The following CNTNAP3B variants were observed in gnomAD, a reference collection of about 807,000 sequenced individuals.
CNTNAP3B encodes contactin-associated protein-like 3B.
CNTNAP3B carries 25 observed loss-of-function variants against 108.9 expected under a neutral mutation model. The ratio of observed to expected loss-of-function variants is 0.23; its 90% CI spans 0.17 to 0.32. The LOEUF is 0.32. Ranked by LOEUF, CNTNAP3B falls within the 10% of genes least tolerant of loss-of-function variation. CNTNAP3B has a pLI of 1.00. For missense variants in CNTNAP3B, 252 were observed against 1,210.4 expected (o/e 0.21, Z 11.75); for synonymous variants, 103 against 473.4 (o/e 0.22, Z 10.16).
Position 42,045,609 on chromosome 9 carries a change from T to G in CNTNAP3B, c.390+31260A>C, listed in dbSNP as rs879472863. 9.1e-3 allele frequency among the ~76,000 whole-genome samples: 1,302 copies of G among 143,310 alleles called. 5 individuals are homozygous for G. Among genetic ancestry groups the G allele is most frequent in the African/African-American group, 0.034 (1,229 of 36,252 alleles). 94.0% of individuals were successfully genotyped at this position (143,310 alleles called of 152,430 possible). A position where few individuals can be genotyped will look rare whatever the true frequency, so the allele number is the denominator to read the frequency against. The stretch of plus-strand genomic sequence containing the variant: ...TGTTAAAGAAATATTGGCCCTCCTA[T>G]GTTCACTGCAGCATTATCCACAATA... On this transcript the variant is annotated intron_variant, in intron 3 of 23. Transcript: ENST00000377561.
chr9:41,969,043 G>C (rs1284560396), intron 10 of CNTNAP3B, among the ~76,000 whole-genome samples: 1 of 152,284 alleles, frequency 6.6e-6, no homozygotes, highest in Non-Finnish European at 1.5e-5. Flanking sequence ...TGATCCGCCC[G>C]CCTTGGCCTC....
chr9:41,933,469 G>T (rs1824043057), intron 14 of CNTNAP3B, among the ~76,000 whole-genome samples: 6 of 150,604 alleles, frequency 4.0e-5, no homozygotes, highest in African/African-American at 7.4e-5. Context: ...TCTTGAATAA[G>T]TTTTGTAATT....
In CNTNAP3B at chr9:41,986,212, A is replaced by G. The variant is rs780268082; in HGVS notation, c.1433T>C (p.Leu478Pro). The G allele has an allele frequency of 1.3e-5, 14 of 1,106,326 alleles. 4 individuals carry two copies. In the South Asian group the frequency reaches 1.7e-4, roughly 14 times the overall value. The allele number at this position is 1,106,326 out of a possible 1,614,324, so 68.5% of individuals were successfully genotyped here. Residue 478 changes from leucine (L) to proline (P), a missense_variant, in exon 9 of 24, where the codon CTG becomes CCG. Coordinates refer to ENST00000377561, the MANE Select transcript of CNTNAP3B (RefSeq NM_001201380.3). Reference protein sequence around the residue: ...VVDDDTAVQPLVAVLIDSGDT... With the variant: ...VVDDDTAVQPPVAVLIDSGDT... ...ACCTGAATCAATGAGCACAGCCACC[A>G]GGGGCTGAACAGCTGTGTCATCATC...
At chr9:41,944,428 T>C (rs1238015492) in intron 13 of CNTNAP3B, among the ~76,000 whole-genome samples, 3 of 152,074 alleles carry the variant, frequency 2.0e-5, no homozygotes, top group East Asian at 1.9e-4. Flanking sequence ...GGAAATGCTG[T>C]GTTATAAAGT....
chr9:41,936,019 G>A (rs1362391181), intron 14 of CNTNAP3B, among the ~76,000 whole-genome samples: 8 of 152,322 alleles, frequency 5.3e-5, no homozygotes, highest in East Asian at 3.9e-4. Context: ...CTAAGCATAC[G>A]TGAAGTCTAC....
intron 3 of CNTNAP3B, among the ~76,000 whole-genome samples, chr9:42,015,324 C>T (rs1337546281): frequency 7.8e-5 from 1 of 12,818 alleles, no homozygotes; most frequent in Non-Finnish European, 1.6e-4. Context: ...AGCCACCATG[C>T]CCAGCCAGAG....
chr9:41,944,571 G>A (rs1195560895), intron 13 of CNTNAP3B, among the ~76,000 whole-genome samples: 3 of 152,318 alleles, frequency 2.0e-5, no homozygotes, highest in South Asian at 4.1e-4. Context: ...GTGAGGATAT[G>A]GAATCATATA....
intron 10 of CNTNAP3B, among the ~76,000 whole-genome samples, chr9:41,969,169 G>A (rs1423144579): frequency 2.0e-5 from 3 of 152,036 alleles, no homozygotes; most frequent in Non-Finnish European, 2.9e-5. Flanking sequence ...ATGTACTGGG[G>A]CAAATTGTAT....
In CNTNAP3B at chr9:42,078,759, C is replaced by T. The variant is rs1470948538; in HGVS notation, c.197-1697G>A. ...GCAAGATTTATTCTTGGATGATTTACAGCAATATTTATGTGAGCCCCTGCC... is the reference window on the plus strand; with the variant it reads ...GCAAGATTTATTCTTGGATGATTTATAGCAATATTTATGTGAGCCCCTGCC... On this transcript the variant is annotated intron_variant, in intron 2 of 23. Coordinates refer to ENST00000377561, the MANE Select transcript of CNTNAP3B (RefSeq NM_001201380.3). Among the ~76,000 whole-genome samples the T allele has an allele frequency of 2.1e-5, 3 of 145,986 alleles. No individual in the cohort carries two copies. The East Asian group carries it at 6.1e-4, about 30-fold the overall frequency.
intron 18 of CNTNAP3B, among the ~76,000 whole-genome samples, chr9:41,918,976 G>T (rs975417438): frequency 1.3e-5 from 2 of 151,972 alleles, no homozygotes; most frequent in Non-Finnish European, 2.9e-5. Flanking sequence ...CTGTTTTGCT[G>T]CTAAAAATAG....
chr9:42,095,970 C>A (rs1397356923), intron 2 of CNTNAP3B, among the ~76,000 whole-genome samples: 1 of 138,456 alleles, frequency 7.2e-6, no homozygotes, highest in Non-Finnish European at 1.5e-5. Context: ...ACAGTGCTCT[C>A]CACAACGTTT....
intron 15 of CNTNAP3B, among the ~76,000 whole-genome samples, chr9:41,927,483 G>C (rs1400345152): frequency 1.3e-5 from 2 of 151,430 alleles, no homozygotes; most frequent in Non-Finnish European, 2.9e-5. Flanking sequence ...GGGAAGGAAG[G>C]AAGGAAGGAG....
chr9:41,929,212 G>A (rs1412493233), intron 15 of CNTNAP3B, 105 bp downstream of exon 15: 2 of 1,431,192 alleles, frequency 1.4e-6, no homozygotes, highest in Admixed American at 5.1e-5. Flanking sequence ...CCCAGTCCTA[G>A]TACTGCCACT....
At chr9:41,941,155 G>C (rs1420300083) in intron 13 of CNTNAP3B, among the ~76,000 whole-genome samples, 42 of 151,080 alleles carry the variant, frequency 2.8e-4, no homozygotes, top group Admixed American at 1.1e-3. Context: ...TATTTAAGTT[G>C]ACTGTGGTAA....
intron 13 of CNTNAP3B, among the ~76,000 whole-genome samples, chr9:41,939,046 T>C (rs1487558557): frequency 1.3e-5 from 2 of 152,284 alleles, no homozygotes; most frequent in African/African-American, 4.8e-5. Context: ...TGCGCCTCCT[T>C]CTCAGCACTG....
rs1169259930 is a variant in CNTNAP3B, at chr9:42,115,808, TCTC to T, written c.86-11072_86-11070del. ...AAATTCTAAAAATCAGAGCACCTCT[TCTC>T]CTCCAAAGGAACACAACGCCTCGCC... On this transcript the variant is annotated intron_variant, in intron 1 of 23. Transcript: ENST00000377561. Among the ~76,000 whole-genome samples, 34 of 120,236 alleles carry T rather than the reference TCTC, an allele frequency of 2.8e-4. 3 individuals carry two copies. The highest frequency in any genetic ancestry group is 4.8e-4 in the Non-Finnish European group (28 of 58,216). The allele number at this position is 120,236 out of a possible 152,430, so 78.9% of individuals were successfully genotyped here.
intron 14 of CNTNAP3B, among the ~76,000 whole-genome samples, chr9:41,935,864 C>A (rs1824141070): frequency 6.6e-6 from 1 of 152,292 alleles, no homozygotes; most frequent in Non-Finnish European, 1.5e-5. Context: ...CCAGTGCAGT[C>A]CTTGACGGTG....
chr9:41,934,122 T>TATATACATATATATATATATATATACAC, intron 14 of CNTNAP3B, among the ~76,000 whole-genome samples: 1 of 73,474 alleles, frequency 1.4e-5, no homozygotes, highest in Admixed American at 1.4e-4. Flanking sequence ...TATATATATA[T>TATATACATATATATATATATATATACAC]ACACACACAT....
rs529266410 is a variant in CNTNAP3B at position 42,096,162 on chromosome 9, C to T, written c.196+8467G>A. Among the ~76,000 whole-genome samples, 21 of 139,880 alleles carry T rather than the reference C, an allele frequency of 1.5e-4. 6 individuals are homozygous for T. Among genetic ancestry groups the T allele is most frequent in the African/African-American group, 5.9e-4 (21 of 35,372 alleles). 91.8% of individuals were successfully genotyped at this position (139,880 alleles called of 152,430 possible). A position where few individuals can be genotyped will look rare whatever the true frequency, so the allele number is the denominator to read the frequency against. On this transcript the variant is annotated intron_variant, in intron 2 of 23. Transcript: ENST00000377561. ...CAGCACAATGAGGATGCTGTGCAGG[C>T]TGCTCTTGGAGACTGGCGTTCTCCT...
Sources: gnomAD v4.1 joint callset for allele counts (sites outside exome capture counted in the v4.1 genomes callset) on GRCh38, gnomAD v4.1.1 for gene constraint, MANE v1.5 for transcripts, NCBI Gene and HGNC (gene_info 2026-07-23, HGNC 2026-07-21) for gene names.